CCDC148: variants seen among roughly 807,000 people sequenced by gnomAD.
The protein encoded by CCDC148 is coiled-coil domain-containing protein 148.
Under a neutral mutation model 85.7 loss-of-function variants are expected in CCDC148, and 89 were observed. That is an observed-to-expected ratio of 1.04 (90% CI 0.87 to 1.24). The LOEUF is 1.24. CCDC148 is among the 50% of genes most tolerant of loss of function. The pLI is 0.00. For missense variants in CCDC148, 692 were observed against 671.7 expected (o/e 1.03, Z -0.33); for synonymous variants, 230 against 213.9 (o/e 1.08, Z -0.66).
At chr2:158,177,588 T>C (rs890105193) in intron 12 of CCDC148, among the ~76,000 whole-genome samples, 1 of 152,160 alleles carries the variant, frequency 6.6e-6, no homozygotes, top group Non-Finnish European at 1.5e-5. Flanking sequence ...ATCAAAGTTA[T>C]GTTTTGAACA....
At chr2:158,432,213 A>G (rs926087780) in intron 1 of CCDC148, among the ~76,000 whole-genome samples, 3 of 151,494 alleles carry the variant, frequency 2.0e-5, no homozygotes, top group Non-Finnish European at 4.4e-5. Context: ...GGCAAAGAAA[A>G]TTAAAAAAAA....
At chr2:158,356,915 G>T (rs1434568407) in intron 2 of CCDC148, among the ~76,000 whole-genome samples, 44 of 142,994 alleles carry the variant, frequency 3.1e-4, no homozygotes, top group Non-Finnish European at 4.5e-5. Context: ...AAAATGATGA[G>T]TTCATGTCCT....
chr2:158,242,023 T>C (rs1461266697), intron 10 of CCDC148, among the ~76,000 whole-genome samples: 1 of 152,210 alleles, frequency 6.6e-6, no homozygotes, highest in Non-Finnish European at 1.5e-5. Context: ...AAAGATTCTT[T>C]GCTTTAAAGT....
At chr2:158,178,848 C>A (rs200402857) in intron 12 of CCDC148, 31 bp downstream of exon 12, 37 of 1,473,232 alleles carry the variant, frequency 2.5e-5, no homozygotes, top group Non-Finnish European at 3.2e-5. Flanking sequence ...TTTAAAAAAA[C>A]CACCCATGAA....
chr2:158,438,282 G>A (rs1460602897), intron 1 of CCDC148, among the ~76,000 whole-genome samples: 2 of 152,100 alleles, frequency 1.3e-5, no homozygotes, highest in Admixed American at 6.6e-5. Flanking sequence ...CCGAGATATA[G>A]ACCAATGGAA....
Position 158,313,867 on chromosome 2 carries a change from G to C in CCDC148, c.792C>G (p.His264Gln). The C allele has an allele frequency of 6.2e-7, 1 of 1,613,434 alleles. No individual in the cohort carries two copies. Among genetic ancestry groups the C allele is most frequent in the Non-Finnish European group, 8.5e-7 (1 of 1,179,766 alleles). ...GATCCAAAATAGCCTGGTAAATCCAGTGGTCTTCTTCACTTAGTTGACAGT... is the reference window on the plus strand; with the variant it reads ...GATCCAAAATAGCCTGGTAAATCCACTGGTCTTCTTCACTTAGTTGACAGT... ...YRNCQLSEED[H>Q]WIYQAILDQY... The change falls in exon 8 of 14, where the codon CAC (histidine) becomes CAG (glutamine). Residue 264 changes from histidine (H) to glutamine (Q), a missense_variant. By Grantham distance (24) the His-to-Gln change is conservative. Transcript: ENST00000283233.
chr2:158,374,861 G>C (rs1032579383), intron 1 of CCDC148, among the ~76,000 whole-genome samples: 2 of 151,792 alleles, frequency 1.3e-5, no homozygotes, highest in Non-Finnish European at 2.9e-5. Flanking sequence ...AAATGGTGTA[G>C]TTTTGCAAAT....
intron 9 of CCDC148, among the ~76,000 whole-genome samples, chr2:158,262,417 A>G (rs1281922545): frequency 6.6e-6 from 1 of 152,030 alleles, no homozygotes; most frequent in Non-Finnish European, 1.5e-5. Flanking sequence ...TAGTTGGCTT[A>G]ATACCTGGGT....
intron 2 of CCDC148, among the ~76,000 whole-genome samples, chr2:158,351,814 T>A (rs1380673824): frequency 2.8e-4 from 40 of 144,338 alleles, no homozygotes; most frequent in African/African-American, 7.7e-4. Context: ...CTCTGCAGAC[T>A]TAAATGTCCC....
At chr2:158,424,509 T>C (rs1249063444) in intron 1 of CCDC148, among the ~76,000 whole-genome samples, 2 of 151,910 alleles carry the variant, frequency 1.3e-5, no homozygotes, top group East Asian at 1.9e-4. Flanking sequence ...TATGTGGGAA[T>C]TGAACAATGA....
intron 1 of CCDC148, among the ~76,000 whole-genome samples, chr2:158,439,762 A>G (rs534536512): frequency 3.3e-5 from 5 of 152,238 alleles, no homozygotes; most frequent in Non-Finnish European, 7.3e-5. Flanking sequence ...CTCAATAAGC[A>G]TATTAAAAAA....
intron 9 of CCDC148, among the ~76,000 whole-genome samples, chr2:158,254,441 A>G (rs1362272495): frequency 6.6e-6 from 1 of 151,702 alleles, no homozygotes; most frequent in Middle Eastern, 3.2e-3. Context: ...GAATACAGAT[A>G]AAACAAATTT....
At chr2:158,377,284 G>T (rs998609385) in intron 1 of CCDC148, among the ~76,000 whole-genome samples, 3 of 151,792 alleles carry the variant, frequency 2.0e-5, no homozygotes, top group South Asian at 4.2e-4. Flanking sequence ...ATGGTGTGGG[G>T]GGGGTGGGGT....
chr2:158,282,239 A>G (rs1690356432), intron 9 of CCDC148, among the ~76,000 whole-genome samples: 2 of 152,122 alleles, frequency 1.3e-5, no homozygotes, highest in South Asian at 4.2e-4. Context: ...GCCCTCTCTC[A>G]CCACTCCTAT....
At position 158,444,962 on chromosome 2, in the gene CCDC148, C is replaced by T. The variant is rs183612908; in HGVS notation, c.25+11453G>A. Among the ~76,000 whole-genome samples, 398 of 152,036 alleles carry T rather than the reference C, an allele frequency of 2.6e-3. 3 individuals carry two copies. Among genetic ancestry groups the T allele is most frequent in the African/African-American group, 8.9e-3 (370 of 41,470 alleles). ...GTAAAGTAGAAATAAGGAGTTCTTT[C>T]CTGATATAAACTCTTAGATACAGAA... On this transcript the variant is annotated intron_variant, in intron 1 of 13. Transcript: ENST00000283233.
At position 158,256,654 on chromosome 2, in the gene CCDC148, C is replaced by T. The variant is rs573897561; in HGVS notation, c.1111-5742G>A. Among the ~76,000 whole-genome samples the T allele has an allele frequency of 3.3e-5, 5 of 151,762 alleles. No homozygotes were observed. In the East Asian group the frequency reaches 9.7e-4, roughly 29 times the overall value. ...GCCATTTATGAGAGATTATTCTGTG[C>T]CAGGCTAATGTTTTATTAAGATGTT... is the stretch of plus-strand genomic sequence containing the variant. On this transcript the variant is annotated intron_variant, in intron 9 of 13. Coordinates refer to ENST00000283233, the MANE Select transcript of CCDC148 (RefSeq NM_138803.4).
chr2:158,404,115 G>C (rs1208436088), intron 1 of CCDC148, among the ~76,000 whole-genome samples: 2 of 152,118 alleles, frequency 1.3e-5, no homozygotes, highest in Non-Finnish European at 2.9e-5. Flanking sequence ...TTAACACAGT[G>C]CCTGGTATAG....
chr2:158,439,978 C>T (rs1439318197), intron 1 of CCDC148, among the ~76,000 whole-genome samples: 1 of 152,088 alleles, frequency 6.6e-6, no homozygotes, highest in Non-Finnish European at 1.5e-5. Context: ...TCCTATCTTA[C>T]CTCCTGAGTA....
At chr2:158,427,089 A>G (rs541242879) in intron 1 of CCDC148, among the ~76,000 whole-genome samples, 3 of 152,330 alleles carry the variant, frequency 2.0e-5, no homozygotes, top group African/African-American at 7.2e-5. Context: ...AAGAAATAAT[A>G]ATTTGACCTC....
Sources: allele counts gnomAD v4.1 joint callset (sites outside exome capture counted in the v4.1 genomes callset), GRCh38; gene constraint gnomAD v4.1.1; transcripts MANE v1.5; gene names NCBI Gene and HGNC (gene_info 2026-07-23, HGNC 2026-07-21).